Variants in SLC25A12 observed in about 807,000 individuals in gnomAD.
The protein encoded by SLC25A12 is electrogenic aspartate/glutamate antiporter SLC25A12, mitochondrial.
In SLC25A12, 32 loss-of-function variants were observed where a neutral mutation model predicts 83.3. The observed-to-expected ratio is 0.38, with a 90% CI of 0.29 to 0.52. The LOEUF (loss-of-function observed/expected upper bound fraction) is 0.52. Among genes scored for constraint, SLC25A12 ranks in the 20% least tolerant of loss-of-function variants. SLC25A12 has a pLI of 0.84. For synonymous variants in SLC25A12, 267 were observed against 291.1 expected, an observed-to-expected ratio of 0.92 and a Z score of 0.84; for missense variants, 611 against 835.6, an observed-to-expected ratio of 0.73 and a Z score of 3.31.
Position 171,830,178 on chromosome 2 carries a change from G to A in SLC25A12, c.846-3296C>T, listed in dbSNP as rs113653527. 1.7e-3 allele frequency among the ~76,000 whole-genome samples: 258 copies of A among 152,152 alleles called. 2 individuals carry two copies. Among genetic ancestry groups the A allele is most frequent in the African/African-American group, 6.0e-3 (249 of 41,514 alleles). On this transcript the variant is annotated intron_variant, in intron 8 of 17. Transcript: ENST00000422440. The stretch of plus-strand genomic sequence containing the variant: ...GAACTCTCTTGTTAGTTATTACTCC[G>A]TTTAGAAGTTTGTACATTTTACTGA...
chr2:171,793,597 T>C (rs760784379), intron 14 of SLC25A12, 30 bp downstream of exon 14: 2 of 1,608,814 alleles, frequency 1.2e-6, no homozygotes, highest in South Asian at 1.1e-5. Context: ...TCATATTTTA[T>C]TGAGTACATT....
At chr2:171,806,584 A>G (rs1255507874) in intron 13 of SLC25A12, among the ~76,000 whole-genome samples, 1 of 152,044 alleles carries the variant, frequency 6.6e-6, no homozygotes, top group African/African-American at 2.4e-5. Flanking sequence ...AACACACACC[A>G]TTTTTCCTAA....
At chr2:171,812,471 T>C (rs1317439029) in intron 11 of SLC25A12, among the ~76,000 whole-genome samples, 1 of 152,176 alleles carries the variant, frequency 6.6e-6, no homozygotes, top group Admixed American at 6.5e-5. Flanking sequence ...GACTTGAGCA[T>C]GTAGAGAGTA....
chr2:171,869,917 T>C (rs111860578), intron 2 of SLC25A12, among the ~76,000 whole-genome samples: 5 of 151,482 alleles, frequency 3.3e-5, no homozygotes, highest in Admixed American at 1.3e-4. Context: ...AAAAACCAGG[T>C]CACATATAAA....
chr2:171,827,043 T>C (rs968321024), intron 8 of SLC25A12, among the ~76,000 whole-genome samples, 161 bp from the exon 9 acceptor site: 1 of 152,022 alleles, frequency 6.6e-6, no homozygotes, highest in African/African-American at 2.4e-5. Flanking sequence ...ACCTTTTAAC[T>C]CTGTTTTCAT....
At chr2:171,879,937 A>T (rs1685655032) in intron 2 of SLC25A12, among the ~76,000 whole-genome samples, 2 of 152,238 alleles carry the variant, frequency 1.3e-5, no homozygotes, top group South Asian at 4.1e-4. Context: ...GCTACTTAAA[A>T]ATATATGAAA....
rs1431375318 is a variant in SLC25A12, at chr2:171,791,672, T to A, written c.1447-83A>T. 3.7e-6 allele frequency: 5 copies of A among 1,346,714 alleles called. No homozygotes were observed. The African/African-American group carries it at 7.2e-5, about 19-fold the overall frequency. The allele number at this position is 1,346,714 out of a possible 1,614,324, so 83.4% of individuals were successfully genotyped here. A position where few individuals can be genotyped will look rare whatever the true frequency, so the allele number is the denominator to read the frequency against. The stretch of plus-strand genomic sequence containing the variant: ...ATGGGATCCATGTGACATTTGTCAG[T>A]GACAAGCTTGAGGTGTCCCTCAGTG... On this transcript the variant is annotated intron_variant, in intron 14 of 17. Coordinates refer to ENST00000422440, the MANE Select transcript of SLC25A12 (RefSeq NM_003705.5).
rs778044787 is a variant in SLC25A12, at chr2:171,810,310, C to T, written c.1172-34G>A. 5.2e-6 allele frequency: 8 copies of T among 1,544,048 alleles called. No homozygotes were observed. In the African/African-American group the frequency reaches 1.1e-4, roughly 21 times the overall value. ...AGGGACAGAATCATCAGCAATATAGCTGTACCAGACATGAATACACAAGCC... is the reference window on the plus strand; with the variant it reads ...AGGGACAGAATCATCAGCAATATAGTTGTACCAGACATGAATACACAAGCC... On this transcript the variant is annotated intron_variant, in intron 11 of 17. Transcript: ENST00000422440.
chr2:171,799,737 T>C (rs1683671068), intron 13 of SLC25A12, among the ~76,000 whole-genome samples: 2 of 152,214 alleles, frequency 1.3e-5, no homozygotes, highest in Non-Finnish European at 2.9e-5. Context: ...ACCGAGGTCT[T>C]GTGCACTACT....
chr2:171,878,299 C>A (rs1444386946), intron 2 of SLC25A12, among the ~76,000 whole-genome samples: 1 of 152,170 alleles, frequency 6.6e-6, no homozygotes, highest in African/African-American at 2.4e-5. Context: ...TCTTCTTTAA[C>A]AAGGGTTTGC....
At chr2:171,798,418 C>A (rs1310280920) in intron 13 of SLC25A12, among the ~76,000 whole-genome samples, 1 of 152,198 alleles carries the variant, frequency 6.6e-6, no homozygotes, top group East Asian at 1.9e-4. Flanking sequence ...CTTCTTTGAT[C>A]TGTTGTCTCC....
At chr2:171,795,217 A>G (rs1683574808) in intron 13 of SLC25A12, among the ~76,000 whole-genome samples, 1 of 151,952 alleles carries the variant, frequency 6.6e-6, no homozygotes, top group Admixed American at 6.6e-5. Flanking sequence ...TCTCTCTCTC[A>G]TGGTTTCCTC....
Position 171,790,544 on chromosome 2 carries a change from G to A in SLC25A12, c.1585+907C>T, listed in dbSNP as rs117737920. 1.2e-4 allele frequency among the ~76,000 whole-genome samples: 18 copies of A among 152,154 alleles called. No homozygotes were observed. In the East Asian group the frequency reaches 2.7e-3, roughly 23 times the overall value. Reference sequence around the variant, plus strand: ...CTGTGCCTAATTTGGTATCTTAGACGACATGAAGGTTTTCATTCATGTTAT... The same window carrying A: ...CTGTGCCTAATTTGGTATCTTAGACAACATGAAGGTTTTCATTCATGTTAT... On this transcript the variant is annotated intron_variant, in intron 15 of 17. Transcript: ENST00000422440.
At chr2:171,855,473 C>A (rs1379465126) in intron 4 of SLC25A12, among the ~76,000 whole-genome samples, 1 of 152,106 alleles carries the variant, frequency 6.6e-6, no homozygotes, top group Non-Finnish European at 1.5e-5. Context: ...GCTCTGAACT[C>A]CCTATCTAAA....
At chr2:171,797,790 T>C (rs935517364) in intron 13 of SLC25A12, among the ~76,000 whole-genome samples, 7 of 152,202 alleles carry the variant, frequency 4.6e-5, no homozygotes, top group African/African-American at 1.7e-4. Flanking sequence ...ATATAAAATT[T>C]TAAATTAAAT....
At chr2:171,843,941 G>A (rs544980199) in intron 5 of SLC25A12, among the ~76,000 whole-genome samples, 6 of 151,848 alleles carry the variant, frequency 4.0e-5, no homozygotes, top group African/African-American at 1.4e-4. Flanking sequence ...GACTACAGGC[G>A]CCCGCCACCA....
chr2:171,826,678 TAA>T, intron 9 of SLC25A12, 118 bp downstream of exon 9: 1 of 714,336 alleles, frequency 1.4e-6, no homozygotes, highest in Non-Finnish European at 2.6e-6. Context: ...TTAAGCTAAG[TAA>T]AGTCTTTCTC....
At chr2:171,884,719 G>A (rs1574007718) in intron 2 of SLC25A12, among the ~76,000 whole-genome samples, 1 of 151,430 alleles carries the variant, frequency 6.6e-6, no homozygotes, top group East Asian at 2.0e-4. Context: ...TGGTTGCAGT[G>A]AGCTGAGACT....
chr2:171,877,332 C>T (rs10930497), intron 2 of SLC25A12, among the ~76,000 whole-genome samples: 7,467 of 152,240 alleles, frequency 0.049, 388 homozygotes, highest in Admixed American at 0.17. Context: ...AGCAATAACT[C>T]CTTTGCAATT....
Sources: allele counts gnomAD v4.1 joint callset (sites outside exome capture counted in the v4.1 genomes callset), GRCh38; gene constraint gnomAD v4.1.1; transcripts MANE v1.5; gene names NCBI Gene and HGNC (gene_info 2026-07-23, HGNC 2026-07-21).